ORC4: variants seen among roughly 807,000 people sequenced by gnomAD.
The protein encoded by ORC4 is origin recognition complex, subunit 4 homolog.
ORC4 carries 55 observed loss-of-function variants against 63.9 expected under a neutral mutation model. The ratio of observed to expected loss-of-function variants is 0.86; its 90% CI spans 0.69 to 1.08. The LOEUF (loss-of-function observed/expected upper bound fraction) is 1.08. ORC4 is among the 50% of genes least tolerant of loss of function. The probability of loss-of-function intolerance (pLI) is 0.00; values close to 1 mark genes in which losing one functional copy is unlikely to be tolerated. For missense variants in ORC4, 511 were observed against 504.4 expected (o/e 1.01, Z -0.13); for synonymous variants, 150 against 168.5 (o/e 0.89, Z 0.85).
intron 11 of ORC4, 104 bp from the exon 12 acceptor site, chr2:147,938,497 G>A: frequency 1.4e-6 from 1 of 731,920 alleles, no homozygotes; most frequent in Non-Finnish European, 2.4e-6. Flanking sequence ...GTTCTGAGGG[G>A]TGAAGAAGGT....
chr2:148,002,195 A>G (rs1467830490), intron 1 of ORC4, among the ~76,000 whole-genome samples: 20 of 152,180 alleles, frequency 1.3e-4, no homozygotes, highest in Non-Finnish European at 2.9e-5. Context: ...TCAATATTAG[A>G]CAGATCAACA....
intron 4 of ORC4, among the ~76,000 whole-genome samples, chr2:147,965,715 A>G (rs1296869182): frequency 6.6e-6 from 1 of 152,222 alleles, no homozygotes; most frequent in East Asian, 1.9e-4. Context: ...CATAGACCAA[A>G]TGGACCTAAA....
chr2:147,940,293 T>C (rs557121139), intron 10 of ORC4, among the ~76,000 whole-genome samples: 1 of 152,250 alleles, frequency 6.6e-6, no homozygotes, highest in South Asian at 2.1e-4. Context: ...TTGAGCAGTA[T>C]ACACTGCATC....
chr2:147,974,970 T>C (rs1383513738), intron 2 of ORC4, among the ~76,000 whole-genome samples: 5 of 152,178 alleles, frequency 3.3e-5, no homozygotes. Context: ...CATGTATTGA[T>C]ATTAAGTCAG....
At chr2:147,958,156 C>T (rs1689368274) in intron 6 of ORC4, 142 bp downstream of exon 6, 1 of 611,786 alleles carries the variant, frequency 1.6e-6, no homozygotes, top group South Asian at 2.2e-5. Flanking sequence ...CTATACATTA[C>T]ACATTTTTAT....
intron 1 of ORC4, among the ~76,000 whole-genome samples, chr2:147,991,644 C>T (rs1181750107): frequency 1.3e-5 from 2 of 151,980 alleles, no homozygotes; most frequent in African/African-American, 2.4e-5. Flanking sequence ...GACTAGACAA[C>T]ATGGTGAAAC....
intron 1 of ORC4, among the ~76,000 whole-genome samples, chr2:147,999,338 T>G (rs1451579233): frequency 6.6e-6 from 1 of 152,122 alleles, no homozygotes; most frequent in Admixed American, 6.6e-5. Flanking sequence ...TAAGAGAGTG[T>G]TTATATATTG....
chr2:147,999,261 T>A (rs1473476536), intron 1 of ORC4, among the ~76,000 whole-genome samples: 1 of 152,132 alleles, frequency 6.6e-6, no homozygotes, highest in Admixed American at 6.6e-5. Flanking sequence ...AAATCTACCC[T>A]GAGGACACAA....
intron 4 of ORC4, among the ~76,000 whole-genome samples, chr2:147,966,496 A>C (rs1689900748): frequency 6.6e-6 from 1 of 152,102 alleles, no homozygotes; most frequent in South Asian, 2.1e-4. Flanking sequence ...GACCAAAATA[A>C]ATAAATGAGA....
At chr2:147,953,555 G>A (rs1035394895) in intron 7 of ORC4, among the ~76,000 whole-genome samples, 5 of 152,120 alleles carry the variant, frequency 3.3e-5, no homozygotes, top group Admixed American at 1.3e-4. Flanking sequence ...TGTTTATTTA[G>A]TAGAAATACA....
At chr2:147,981,560 ATT>A (rs1357746112) in intron 1 of ORC4, among the ~76,000 whole-genome samples, 1 of 152,222 alleles carries the variant, frequency 6.6e-6, no homozygotes, top group African/African-American at 2.4e-5. Flanking sequence ...ATGAAAGCAG[ATT>A]TTAAATTTTC....
rs1181873941 is a variant in ORC4 at position 148,020,728 on chromosome 2, C to A, written c.-113G>T. The A allele has an allele frequency of 6.6e-6, 1 of 152,618 alleles. No individual in the cohort carries two copies. The highest frequency in any genetic ancestry group is 1.5e-5 in the Non-Finnish European group (1 of 68,296). 9.5% of individuals were successfully genotyped at this position (152,618 alleles called of 1,614,324 possible). ...ACTTCACCTGCCGCTGCGGACCGTA[C>A]ACAACCACTCCCGGCATGCCCCGCG... On this transcript the variant is annotated 5_prime_UTR_variant, in exon 1 of 14. Coordinates refer to ENST00000392857, the MANE Select transcript of ORC4 (RefSeq NM_181741.4).
rs1269866429 is a variant in ORC4 at position 147,943,322 on chromosome 2, GGGAGGATGGCTTAAGGCCA to G, written c.849+95_849+113del. On this transcript the variant is annotated intron_variant, in intron 10 of 13. Transcript: ENST00000392857. ...TGTCAGCACTTAGGGAGGCAGAGGT[GGGAGGATGGCTTAAGGCCA>G]GGAGTTCGCAACCAGTCTGAGCAAC... is the stretch of plus-strand genomic sequence containing the variant. The G allele has an allele frequency of 5.6e-6, 4 of 717,318 alleles. No individual in the cohort carries two copies. The African/African-American group carries it at 7.0e-5, about 12-fold the overall frequency. The allele number at this position is 717,318 out of a possible 1,614,324, so 44.4% of individuals were successfully genotyped here.
In ORC4 at chr2:147,933,324, C is replaced by T. The variant is rs571643376; in HGVS notation, c.*2186G>A. ...TTTAAGAGACGAAGTTAGCTCAAAA[C>T]TCTTGCGAATAGATTTTAGCATTTT... On this transcript the variant is annotated 3_prime_UTR_variant, in exon 14 of 14. Coordinates refer to ENST00000392857, the MANE Select transcript of ORC4 (RefSeq NM_181741.4). 1 of 152,112 alleles carries T rather than the reference C, an allele frequency of 6.6e-6. No individual in the cohort carries two copies. The highest frequency in any genetic ancestry group is 6.6e-5 in the Admixed American group (1 of 15,248). 9.4% of individuals were successfully genotyped at this position (152,112 alleles called of 1,614,324 possible).
chr2:147,953,266 T>C (rs1164706223), intron 7 of ORC4, among the ~76,000 whole-genome samples: 3 of 150,708 alleles, frequency 2.0e-5, no homozygotes, highest in Admixed American at 6.6e-5. Context: ...GATCACACCA[T>C]TGTATTCTAG....
intron 13 of ORC4, chr2:147,936,945 G>A (rs1688081692): frequency 6.7e-6 from 1 of 149,420 alleles, no homozygotes; most frequent in South Asian, 2.1e-4. Flanking sequence ...CTTAACTTGG[G>A]AGGCAGAGGT....
In ORC4 at chr2:147,948,140, G is replaced by T; in HGVS notation, c.673C>A (p.Gln225Lys). The T allele has an allele frequency of 6.2e-7, 1 of 1,610,378 alleles. No homozygotes were observed. The highest frequency in any genetic ancestry group is 8.5e-7 in the Non-Finnish European group (1 of 1,177,168). The change falls in exon 9 of 14, where the codon CAG becomes AAG. Residue 225 changes from glutamine to lysine, a missense_variant. Transcript: ENST00000392857. ...TGTTCTTTAAATATTTTAACATACT[G>T]TGGAAAACCAAATGAATTCATTAAG... Reference protein sequence around the residue: ...IHLMNSFGFPQYVKIFKEQLS... With the variant: ...IHLMNSFGFPKYVKIFKEQLS...
upstream of ORC4, chr2:148,021,475 CTGCTGT>C: frequency 1.7e-6 from 1 of 578,978 alleles, no homozygotes; most frequent in Non-Finnish European, 3.3e-6. Context: ...GCTGCTGCTG[CTGCTGT>C]TGCTGCTGCT....
intron 1 of ORC4, among the ~76,000 whole-genome samples, chr2:148,006,040 C>T (rs79103486): frequency 6.6e-6 from 1 of 152,092 alleles, no homozygotes; most frequent in Admixed American, 6.5e-5. Context: ...TGAGTAATCA[C>T]GGCACCTGGT....
Sources: gnomAD v4.1 joint callset for allele counts (sites outside exome capture counted in the v4.1 genomes callset) on GRCh38, gnomAD v4.1.1 for gene constraint, MANE v1.5 for transcripts, NCBI Gene and HGNC (gene_info 2026-07-23, HGNC 2026-07-21) for gene names.